KLHL32: variants seen among roughly 807,000 people sequenced by gnomAD.
The protein encoded by KLHL32 is kelch-like protein 32.
KLHL32 carries 35 observed loss-of-function variants against 64.8 expected under a neutral mutation model. That is an observed-to-expected ratio of 0.54 (90% CI 0.41 to 0.72). The LOEUF (loss-of-function observed/expected upper bound fraction) is 0.72. Ranked by LOEUF, KLHL32 falls within the 30% of genes least tolerant of loss-of-function variation. KLHL32 has a pLI of 0.00. For synonymous variants in KLHL32, 259 were observed against 281.0 expected (o/e 0.92, Z 0.78); for missense variants, 589 against 768.5 (o/e 0.77, Z 2.76).
At chr6:96,942,925 C>T (rs1771491884) in intron 1 of KLHL32, among the ~76,000 whole-genome samples, 1 of 151,870 alleles carries the variant, frequency 6.6e-6, no homozygotes, top group Non-Finnish European at 1.5e-5. Flanking sequence ...CTCTCTCTTG[C>T]CCACATGCCA....
chr6:97,094,248 A>T (rs960691822), intron 6 of KLHL32, among the ~76,000 whole-genome samples: 3 of 152,152 alleles, frequency 2.0e-5, no homozygotes, highest in African/African-American at 4.8e-5. Context: ...GAGATTTGCT[A>T]TTCTGGGAGT....
At chr6:97,058,306 T>C (rs1006116416) in intron 4 of KLHL32, among the ~76,000 whole-genome samples, 2 of 152,230 alleles carry the variant, frequency 1.3e-5, no homozygotes, top group African/African-American at 4.8e-5. Context: ...TAAGATTACA[T>C]TGAATCTATA....
intron 3 of KLHL32, chr6:96,994,715 G>GA (rs1467185521): frequency 1.9e-5 from 16 of 824,954 alleles, no homozygotes; most frequent in Non-Finnish European, 2.2e-5. Flanking sequence ...AAAAGAAAGT[G>GA]AAAAAACACA....
chr6:96,974,026 C>A (rs1775428919), intron 2 of KLHL32, among the ~76,000 whole-genome samples: 1 of 151,956 alleles, frequency 6.6e-6, no homozygotes, highest in Non-Finnish European at 1.5e-5. Context: ...CTGACTTCTT[C>A]TCTTTTTTTT....
At chr6:97,048,720 C>T (rs557949181) in intron 4 of KLHL32, among the ~76,000 whole-genome samples, 1 of 152,300 alleles carries the variant, frequency 6.6e-6, no homozygotes, top group South Asian at 2.1e-4. Flanking sequence ...GGCCAGGCAG[C>T]AGAGTGACAG....
intron 3 of KLHL32, among the ~76,000 whole-genome samples, chr6:97,033,451 G>T (rs565485597): frequency 6.6e-6 from 1 of 151,976 alleles, no homozygotes; most frequent in East Asian, 1.9e-4. Context: ...GATTGTTTCC[G>T]TATTGTGGCT....
intron 1 of KLHL32, among the ~76,000 whole-genome samples, chr6:96,929,760 G>A (rs1456621812): frequency 1.3e-5 from 2 of 152,114 alleles, no homozygotes; most frequent in Non-Finnish European, 2.9e-5. Flanking sequence ...GGCACTATAA[G>A]TTTTGGTGAG....
At chr6:96,973,489 T>C (rs1275073241) in intron 2 of KLHL32, among the ~76,000 whole-genome samples, 1 of 152,140 alleles carries the variant, frequency 6.6e-6, no homozygotes, top group Non-Finnish European at 1.5e-5. Context: ...TTCAAATATA[T>C]TTTCTAAGGT....
chr6:96,899,078 A>G, the KLHL32 span, among the ~76,000 whole-genome samples: 3 of 152,252 alleles, frequency 2.0e-5, no homozygotes, highest in Non-Finnish European at 4.4e-5. Context: ...ATCATTAAGT[A>G]TAATGCTTAA....
intron 3 of KLHL32, among the ~76,000 whole-genome samples, chr6:97,040,407 T>C (rs1313537697): frequency 6.6e-6 from 1 of 152,162 alleles, no homozygotes; most frequent in East Asian, 1.9e-4. Context: ...TGCAGTAAAT[T>C]GGCCATTTGG....
At chr6:97,090,413 G>A (rs1409194474) in intron 6 of KLHL32, among the ~76,000 whole-genome samples, 3 of 152,088 alleles carry the variant, frequency 2.0e-5, no homozygotes, top group Non-Finnish European at 4.4e-5. Flanking sequence ...CAAATGCAGT[G>A]GTTTTTTTGA....
the KLHL32 span, among the ~76,000 whole-genome samples, chr6:96,917,094 G>A: frequency 6.6e-6 from 1 of 152,108 alleles, no homozygotes; most frequent in African/African-American, 2.4e-5. Context: ...TAAATTGCAA[G>A]GATTTTGAAG....
chr6:96,904,529 T>C, the KLHL32 span, among the ~76,000 whole-genome samples: 1 of 152,158 alleles, frequency 6.6e-6, no homozygotes, highest in Non-Finnish European at 1.5e-5. Context: ...CATACCAGGT[T>C]CCTTGATGCA....
upstream of KLHL32, among the ~76,000 whole-genome samples, chr6:96,921,667 C>T (rs1025242724): frequency 1.3e-5 from 2 of 152,146 alleles, no homozygotes; most frequent in East Asian, 1.9e-4. Context: ...TTACTTGCTT[C>T]GGGAGGAGGC....
At chr6:97,035,948 A>G (rs1229035249) in intron 3 of KLHL32, among the ~76,000 whole-genome samples, 1 of 151,882 alleles carries the variant, frequency 6.6e-6, no homozygotes, top group African/African-American at 2.4e-5. Flanking sequence ...TCTTCTCTTT[A>G]TTAAGCTTTC....
Position 97,114,400 on chromosome 6 carries a change from A to G in KLHL32, c.1245A>G (p.Thr415=). 6.2e-7 allele frequency: 1 copy of G among 1,614,114 alleles called. No individual in the cohort carries two copies. Among genetic ancestry groups the G allele is most frequent in the East Asian group, 2.2e-5 (1 of 44,896 alleles). Residue 415 remains threonine (T), a synonymous_variant, in exon 7 of 11, where the codon ACA becomes ACG. Coordinates refer to ENST00000369261, the MANE Select transcript of KLHL32 (RefSeq NM_052904.4). ...ATGAACTGCGCCAGGTTCTGCCTAC[A>G]GTTGAGCGATATTGCCCCAAGAAGA... ...GRNELRQVLP[T]VERYCPKKNK...
chr6:97,095,940 A>G (rs1332361302), intron 6 of KLHL32, among the ~76,000 whole-genome samples: 1 of 152,136 alleles, frequency 6.6e-6, no homozygotes, highest in Non-Finnish European at 1.5e-5. Context: ...CTTGAAGTCC[A>G]TTTACATGTA....
chr6:96,924,313 G>T (rs981989135), upstream of KLHL32, among the ~76,000 whole-genome samples: 1 of 152,122 alleles, frequency 6.6e-6, no homozygotes, highest in African/African-American at 2.4e-5. Flanking sequence ...GGGCGAGCAG[G>T]CTGGGTTCCC....
intron 10 of KLHL32, among the ~76,000 whole-genome samples, chr6:97,137,419 C>T (rs984851730): frequency 1.3e-5 from 2 of 152,128 alleles, no homozygotes; most frequent in Non-Finnish European, 2.9e-5. Context: ...ATCTAATCTC[C>T]ACTTGTTTGT....
Sources: allele counts gnomAD v4.1 joint callset (sites outside exome capture counted in the v4.1 genomes callset), GRCh38; gene constraint gnomAD v4.1.1; transcripts MANE v1.5; gene names NCBI Gene and HGNC (gene_info 2026-07-23, HGNC 2026-07-21).